A2M: variants seen among roughly 807,000 people sequenced by gnomAD.
A2M encodes C3 and PZP-like alpha-2-macroglobulin domain-containing protein 5.
In A2M, 128 loss-of-function variants were observed where a neutral mutation model predicts 183.9. The ratio of observed to expected loss-of-function variants is 0.70; its 90% confidence interval spans 0.60 to 0.81. A2M has a LOEUF of 0.81. Ranked by LOEUF, A2M falls within the 30% of genes least tolerant of loss-of-function variation. The pLI is 0.00. For synonymous variants in A2M, 592 were observed against 670.8 expected, an observed-to-expected ratio of 0.88 and a Z score of 1.81; for missense variants, 1,495 against 1,787.6, an observed-to-expected ratio of 0.84 and a Z score of 2.95.
intron 7 of A2M, among the ~76,000 whole-genome samples, chr12:9,108,048 C>A (rs1174194400): frequency 1.3e-5 from 2 of 152,146 alleles, no homozygotes; most frequent in Non-Finnish European, 2.9e-5. Context: ...AGTGTCTCTT[C>A]TTCCATCATC....
At chr12:9,094,340 C>CAT (rs59647548) in intron 17 of A2M, among the ~76,000 whole-genome samples, 24,015 of 96,510 alleles carry the variant, frequency 0.25, 2,621 homozygotes, top group East Asian at 0.41. Context: ...AAAAATTGTG[C>CAT]ATATATATAT....
At chr12:9,082,265 G>A (rs760128381) in intron 22 of A2M, among the ~76,000 whole-genome samples, 144 of 152,276 alleles carry the variant, frequency 9.5e-4, no homozygotes, top group African/African-American at 3.3e-3. Flanking sequence ...CTCACAGCCC[G>A]GATTGTGACC....
At chr12:9,098,325 CT>C (rs1949446686) in intron 15 of A2M, 2 of 172,258 alleles carry the variant, frequency 1.2e-5, no homozygotes, top group Non-Finnish European at 2.4e-5. Context: ...ATAACGAGTC[CT>C]TTTTTGGTTG....
At chr12:9,098,455 C>A in intron 15 of A2M, 152 bp downstream of exon 15, 13 of 558,384 alleles carry the variant, frequency 2.3e-5, no homozygotes, top group Non-Finnish European at 2.2e-5. Flanking sequence ...TATATAATTC[C>A]TTACCAATGA....
chr12:9,113,015 G>A (rs1187840341), intron 2 of A2M, among the ~76,000 whole-genome samples: 1 of 151,816 alleles, frequency 6.6e-6, no homozygotes, highest in African/African-American at 2.4e-5. Context: ...ATGTGTTCCT[G>A]TCAGTCCACC....
In A2M at chr12:9,072,891, G is replaced by T. The variant is rs1164988499; in HGVS notation, c.3757-20C>A. The stretch of plus-strand genomic sequence containing the variant: ...TGTGTCCTGTTAGAGACAGATGAGT[G>T]AGAGAACCCATTGGGCATTATAAGG... On this transcript the variant is annotated intron_variant, in intron 29 of 35. Transcript: ENST00000318602. 6.2e-7 allele frequency: 1 copy of T among 1,601,998 alleles called. No homozygotes were observed. The highest frequency in any genetic ancestry group is 8.5e-7 in the Non-Finnish European group (1 of 1,170,806).
At chr12:9,082,092 G>A (rs557328623) in intron 22 of A2M, among the ~76,000 whole-genome samples, 2 of 152,324 alleles carry the variant, frequency 1.3e-5, no homozygotes, top group African/African-American at 4.8e-5. Flanking sequence ...TAGAAGTGTA[G>A]GGGTTAAATA....
chr12:9,099,554 T>G lies in A2M; in HGVS notation c.1559-31A>C, dbSNP rs1441186124. The G allele has an allele frequency of 1.9e-6, 3 of 1,589,306 alleles. No individual in the cohort carries two copies. In the Admixed American group the frequency reaches 5.3e-5, roughly 28 times the overall value. ...GCACAAAGAGAATGAGAGGAAGCCATCATAGGTTAATGACTATTTCCATTA... is the reference window on the plus strand; with the variant it reads ...GCACAAAGAGAATGAGAGGAAGCCAGCATAGGTTAATGACTATTTCCATTA... On this transcript the variant is annotated intron_variant, in intron 13 of 35. Transcript: ENST00000318602.
At chr12:9,077,211 G>T in intron 27 of A2M, 135 bp downstream of exon 27, 2 of 905,586 alleles carry the variant, frequency 2.2e-6, no homozygotes, top group Non-Finnish European at 3.3e-6. Context: ...ATTCTCTGTA[G>T]ATCTGGGAAG....
chr12:9,076,879 C>T lies in A2M; in HGVS notation c.3409G>A (p.Glu1137Lys), dbSNP rs1230664832. The T allele has an allele frequency of 5.6e-6, 9 of 1,612,720 alleles. No individual in the cohort carries two copies. The highest frequency in any genetic ancestry group is 1.7e-4 in the Middle Eastern group (1 of 5,830). The change falls in exon 28 of 36, where the codon GAA (glutamate) becomes AAA (lysine). Residue 1137 changes from glutamate (E) to lysine (K), a missense_variant. Coordinates refer to ENST00000318602, the MANE Select transcript of A2M (RefSeq NM_000014.6). ...TATACATGGCTGCCATGGTCCCCTT[C>T]TTGTGCTGTCTTCCAGGCTGACTCC... ...CLESAWKTAQ[E>K]GDHGSHVYTK...
intron 15 of A2M, among the ~76,000 whole-genome samples, chr12:9,098,181 C>T (rs1035137039): frequency 6.6e-6 from 1 of 152,162 alleles, no homozygotes; most frequent in African/African-American, 2.4e-5. Flanking sequence ...TGCATAACTG[C>T]ACTTCTCATA....
intron 33 of A2M, 71 bp from the exon 34 acceptor site, chr12:9,068,913 C>T: frequency 8.7e-7 from 1 of 1,143,316 alleles, no homozygotes; most frequent in Non-Finnish European, 1.2e-6. Flanking sequence ...TTTAAGTATT[C>T]ACCTGTTTTT....
At position 9,095,081 on chromosome 12, in the gene A2M, T is replaced by C. The variant is rs1231063327; in HGVS notation, c.2017A>G (p.Met673Val). The change falls in exon 17 of 36, where the codon ATG becomes GTG. Residue 673 changes from methionine to valine, a missense_variant. Met to Val is a conservative substitution (Grantham distance 21). Transcript: ENST00000318602. ...GAGTTGGTGAATGCCTTTAAGCCCA[T>C]GTCCTGCAAAGAAAATTATCATCTA... is the stretch of plus-strand genomic sequence containing the variant. Reference protein sequence around the residue: ...EKDMYSFLEDMGLKAFTNSKI... With the variant: ...EKDMYSFLEDVGLKAFTNSKI... 1.4e-5 allele frequency: 22 copies of C among 1,544,442 alleles called. No homozygotes were observed. The highest frequency in any genetic ancestry group is 8.9e-5 in the Admixed American group (5 of 56,250).
intron 28 of A2M, among the ~76,000 whole-genome samples, chr12:9,076,084 T>C (rs998219623): frequency 2.0e-5 from 3 of 152,228 alleles, no homozygotes; most frequent in Non-Finnish European, 4.4e-5. Context: ...TATGAGTAGA[T>C]TGGTCAACAT....
At position 9,068,190 on chromosome 12, in the gene A2M, G is replaced by A; in HGVS notation, c.4401C>T (p.Cys1467=). ...EFAIAEYNAP[C]SKDLGNA ...GGAGTGTGAGTGGCTTACCTTTGCT[G>A]CAAGGAGCATTGTACTCAGCAATTG... The change falls in exon 35 of 36, where the codon TGC becomes TGT. Residue 1467 remains cysteine (C), a synonymous_variant. Transcript: ENST00000318602. 1 of 1,611,952 alleles carries A rather than the reference G, an allele frequency of 6.2e-7. No homozygotes were observed. Among genetic ancestry groups the A allele is most frequent in the Non-Finnish European group, 8.5e-7 (1 of 1,179,714 alleles).
At chr12:9,100,160 G>A (rs769093766) in intron 13 of A2M, among the ~76,000 whole-genome samples, 7 of 152,170 alleles carry the variant, frequency 4.6e-5, no homozygotes, top group Non-Finnish European at 7.4e-5. Flanking sequence ...CGCTTCAGTC[G>A]GTAGAAGTAC....
intron 20 of A2M, 39 bp from the exon 21 acceptor site, chr12:9,090,062 C>G (rs1949163493): frequency 6.4e-7 from 1 of 1,569,100 alleles, no homozygotes; most frequent in Non-Finnish European, 8.7e-7. Flanking sequence ...AGCATCTTCC[C>G]CTTCCTCCAT....
chr12:9,110,635 A>G (rs226385), intron 4 of A2M, among the ~76,000 whole-genome samples: 128,426 of 151,406 alleles, frequency 0.85, 54,881 homozygotes, highest in Non-Finnish European at 0.88. Context: ...AATCATTATC[A>G]TGCACTGCAT....
At chr12:9,107,712 A>G (rs1938404252) in intron 7 of A2M, 68 bp from the exon 8 acceptor site, 2 of 1,575,520 alleles carry the variant, frequency 1.3e-6, no homozygotes, top group African/African-American at 1.4e-5. Flanking sequence ...AGCTATTTAT[A>G]TCTCCCCTTT....
Sources: allele counts gnomAD v4.1 joint callset (sites outside exome capture counted in the v4.1 genomes callset), GRCh38; gene constraint gnomAD v4.1.1; transcripts MANE v1.5; gene names NCBI Gene and HGNC (gene_info 2026-07-23, HGNC 2026-07-21).